PPP2R2C: variants seen among roughly 807,000 people sequenced by gnomAD.
The protein encoded by PPP2R2C is protein phosphatase 2 regulatory subunit Bgamma, also known as protein phosphatase 2, regulatory subunit B, gamma.
In PPP2R2C, 10 loss-of-function variants were observed where a neutral mutation model predicts 45.3. The observed-to-expected ratio is 0.22, with a 90% CI of 0.14 to 0.37. The LOEUF (loss-of-function observed/expected upper bound fraction) is 0.37, where lower values mean the gene tolerates loss of function less well. Ranked by LOEUF, PPP2R2C falls within the 10% of genes least tolerant of loss-of-function variation. The pLI is 1.00. For synonymous variants in PPP2R2C, 257 were observed against 245.4 expected (o/e 1.05, Z -0.44); for missense variants, 308 against 619.7 (o/e 0.50, Z 5.34).
intron 2 of PPP2R2C, among the ~76,000 whole-genome samples, chr4:6,527,018 G>A (rs1044601978): frequency 1.3e-5 from 2 of 152,146 alleles, no homozygotes; most frequent in African/African-American, 4.8e-5. Flanking sequence ...GCCAACCACG[G>A]CTTCAATGCG....
At chr4:6,549,317 G>A (rs1035931428) in intron 1 of PPP2R2C, among the ~76,000 whole-genome samples, 2 of 151,862 alleles carry the variant, frequency 1.3e-5, no homozygotes, top group African/African-American at 4.8e-5. Flanking sequence ...CCTCCTTGCT[G>A]CCACAGAACA....
At chr4:6,356,383 C>G (rs1713192391) in intron 5 of PPP2R2C, among the ~76,000 whole-genome samples, 1 of 152,152 alleles carries the variant, frequency 6.6e-6, no homozygotes, top group South Asian at 2.1e-4. Flanking sequence ...CGAGGAGAAG[C>G]CAATTGCTCA....
intron 2 of PPP2R2C, among the ~76,000 whole-genome samples, chr4:6,496,786 G>A (rs375697002): frequency 3.1e-4 from 47 of 151,996 alleles, no homozygotes; most frequent in Non-Finnish European, 4.9e-4. Context: ...ACTTGAGCCC[G>A]GAAGGTGGAG....
intron 1 of PPP2R2C, among the ~76,000 whole-genome samples, chr4:6,468,919 G>T (rs1721717293): frequency 6.6e-6 from 1 of 151,290 alleles, no homozygotes; most frequent in Non-Finnish European, 1.5e-5. Context: ...CAGGGCCCAG[G>T]GCCCAGTGCC....
At chr4:6,374,694 C>T (rs190025646) in intron 4 of PPP2R2C, among the ~76,000 whole-genome samples, 35 of 152,310 alleles carry the variant, frequency 2.3e-4, no homozygotes, top group Admixed American at 1.2e-3. Flanking sequence ...AGTGTGATGG[C>T]GATTCCATGT....
Position 6,329,238 on chromosome 4 carries a change from G to A in PPP2R2C, c.1052+24C>T. 1 of 1,604,206 alleles carries A rather than the reference G, an allele frequency of 6.2e-7. No individual in the cohort carries two copies. Among genetic ancestry groups the A allele is most frequent in the Non-Finnish European group, 8.5e-7 (1 of 1,171,492 alleles). Reference sequence around the variant, plus strand: ...GAAACCCTCCCTACGGTGAGGTGAGGTGCGGGCTGAGGTCAGGGCTTACCT... The same window carrying A: ...GAAACCCTCCCTACGGTGAGGTGAGATGCGGGCTGAGGTCAGGGCTTACCT... On this transcript the variant is annotated intron_variant, in intron 8 of 8. Transcript: ENST00000382599. The surrounding 1 kb of genome is among the most constrained non-coding windows in gnomAD (Gnocchi z 5.8).
chr4:6,424,960 CT>C (rs1167865760), intron 1 of PPP2R2C, among the ~76,000 whole-genome samples: 1 of 152,222 alleles, frequency 6.6e-6, no homozygotes, highest in African/African-American at 2.4e-5. Context: ...CACTTTCCTA[CT>C]CTGTAAAATG....
In PPP2R2C at chr4:6,381,283, C is replaced by T. The variant is rs777200280; in HGVS notation, c.71-189G>A. On this transcript the variant is annotated intron_variant, in intron 1 of 8. Coordinates refer to ENST00000382599, the MANE Select transcript of PPP2R2C (RefSeq NM_020416.4). ...CCACCAACCTGTCCCCTCCTGCCCTCCTCTTCCCTCTGCACTGGCTGCAGG... is the reference window on the plus strand; with the variant it reads ...CCACCAACCTGTCCCCTCCTGCCCTTCTCTTCCCTCTGCACTGGCTGCAGG... The T allele has an allele frequency of 2.4e-5, 37 of 1,530,182 alleles. 2 individuals carry two copies. Among genetic ancestry groups the T allele is most frequent in the Middle Eastern group, 1.7e-4 (1 of 5,954 alleles). 94.8% of individuals were successfully genotyped at this position (1,530,182 alleles called of 1,614,324 possible).
chr4:6,329,464 G>T lies in PPP2R2C; in HGVS notation c.961-111C>A. 1.2e-6 allele frequency: 1 copy of T among 852,920 alleles called. No individual in the cohort carries two copies. Among genetic ancestry groups the T allele is most frequent in the Non-Finnish European group, 2.0e-6 (1 of 511,598 alleles). 52.8% of individuals were successfully genotyped at this position (852,920 alleles called of 1,614,324 possible). ...GGTCTGCATGCCCTGACATGGCCCA[G>T]CGCAGACCTGCTCATCTCAGCGAGG... On this transcript the variant is annotated intron_variant, in intron 7 of 8. Coordinates refer to ENST00000382599, the MANE Select transcript of PPP2R2C (RefSeq NM_020416.4). This position sits in a 1 kb window ranked among gnomAD's most constrained non-coding sequence, Gnocchi z 5.8.
intron 1 of PPP2R2C, among the ~76,000 whole-genome samples, chr4:6,432,206 G>A (rs770068369): frequency 6.6e-6 from 1 of 152,126 alleles, no homozygotes; most frequent in Non-Finnish European, 1.5e-5. Context: ...CCAGTAAGTG[G>A]CTTCTGCTTC....
At chr4:6,442,976 T>C (rs1720227099) in intron 1 of PPP2R2C, among the ~76,000 whole-genome samples, 1 of 152,214 alleles carries the variant, frequency 6.6e-6, no homozygotes. Flanking sequence ...CTTGGAGATC[T>C]TGCGTGACTT....
chr4:6,452,847 G>A (rs937247881), intron 1 of PPP2R2C, among the ~76,000 whole-genome samples: 3 of 152,210 alleles, frequency 2.0e-5, no homozygotes, highest in Non-Finnish European at 4.4e-5. Flanking sequence ...CAGGGATGCT[G>A]GGGACCAGCT....
At chr4:6,479,686 G>A (rs371595787) in intron 2 of PPP2R2C, among the ~76,000 whole-genome samples, 2 of 151,904 alleles carry the variant, frequency 1.3e-5, no homozygotes, top group South Asian at 4.2e-4. Context: ...TGTTATCCCA[G>A]GACCTTTTCA....
intron 2 of PPP2R2C, among the ~76,000 whole-genome samples, chr4:6,508,458 G>A (rs1230825927): frequency 5.9e-5 from 9 of 152,078 alleles, no homozygotes; most frequent in South Asian, 2.1e-4. Context: ...GCATAGTGGC[G>A]GGTGCCTGTA....
intron 6 of PPP2R2C, among the ~76,000 whole-genome samples, chr4:6,342,128 AT>A (rs1642769581): frequency 2.3e-5 from 3 of 130,808 alleles, no homozygotes; most frequent in South Asian, 2.4e-4. Context: ...ACACACACAC[AT>A]ACATATATAT....
chr4:6,469,170 A>G (rs1239630504), intron 1 of PPP2R2C, among the ~76,000 whole-genome samples: 1 of 151,770 alleles, frequency 6.6e-6, no homozygotes, highest in East Asian at 1.9e-4. Context: ...AACTCTTCCT[A>G]AGATGTTTGA....
intron 1 of PPP2R2C, among the ~76,000 whole-genome samples, chr4:6,550,586 A>T (rs1159125133): frequency 1.3e-5 from 2 of 152,176 alleles, no homozygotes; most frequent in Admixed American, 6.5e-5. Context: ...TCCCTGCATG[A>T]GGCTCCAGGG....
chr4:6,371,881 C>T (rs557799377), intron 5 of PPP2R2C, among the ~76,000 whole-genome samples: 1 of 152,230 alleles, frequency 6.6e-6, no homozygotes, highest in Non-Finnish European at 1.5e-5. Flanking sequence ...AGCAACCTGC[C>T]TGCCCGCCCA....
intron 5 of PPP2R2C, among the ~76,000 whole-genome samples, chr4:6,355,712 C>A (rs573000925): frequency 2.6e-5 from 4 of 151,946 alleles, no homozygotes; most frequent in Non-Finnish European, 4.4e-5. Flanking sequence ...CTGTGCTGGC[C>A]GGGCATGGTG....
Sources: allele counts gnomAD v4.1 joint callset (sites outside exome capture counted in the v4.1 genomes callset), GRCh38; gene constraint gnomAD v4.1.1; non-coding constraint Gnocchi (gnomAD v3.1); transcripts MANE v1.5; gene names NCBI Gene and HGNC (gene_info 2026-07-23, HGNC 2026-07-21).